GC: variants seen among roughly 807,000 people sequenced by gnomAD.
The protein encoded by GC is GC vitamin D binding protein.
In GC, 43 loss-of-function variants were observed where a neutral mutation model predicts 56.7. The observed-to-expected ratio is 0.76, with a 90% CI of 0.59 to 0.98. The LOEUF (loss-of-function observed/expected upper bound fraction) is 0.98, where lower values mean the gene tolerates loss of function less well. Among genes scored for constraint, GC ranks in the 50% least tolerant of loss-of-function variants. The probability of loss-of-function intolerance (pLI) is 0.00; values close to 1 mark genes in which losing one functional copy is unlikely to be tolerated. For synonymous variants in GC, 216 were observed against 202.7 expected, an observed-to-expected ratio of 1.07 and a Z score of -0.56; for missense variants, 529 against 545.9, an observed-to-expected ratio of 0.97 and a Z score of 0.31.
intron 1 of GC, among the ~76,000 whole-genome samples, chr4:71,799,919 C>G (rs1454027062): frequency 6.6e-6 from 1 of 152,160 alleles, no homozygotes; most frequent in Non-Finnish European, 1.5e-5. Context: ...GAACAAATCT[C>G]AAACACTGGC....
intron 12 of GC, among the ~76,000 whole-genome samples, chr4:71,744,127 T>C (rs959999744): frequency 1.3e-5 from 2 of 151,960 alleles, no homozygotes; most frequent in African/African-American, 4.8e-5. Flanking sequence ...ACCAAGTTTA[T>C]CTCTTGATTG....
Position 71,744,877 on chromosome 4 carries a change from C to T in GC, c.*25+1274G>A, listed in dbSNP as rs191232830. ...CAACAGAGATCAGAAACTATTTTAA[C>T]TCTAGAATATTTACACTTCAAATAA... On this transcript the variant is annotated intron_variant, in intron 12 of 12. Transcript: ENST00000273951. 1.8e-3 allele frequency among the ~76,000 whole-genome samples: 279 copies of T among 152,260 alleles called. 2 individuals carry two copies. Among genetic ancestry groups the T allele is most frequent in the African/African-American group, 6.4e-3 (265 of 41,554 alleles).
intron 8 of GC, among the ~76,000 whole-genome samples, chr4:71,755,766 T>A (rs574500936): frequency 1.6e-3 from 242 of 152,332 alleles, no homozygotes; most frequent in African/African-American, 5.5e-3. Flanking sequence ...AGTGGATACT[T>A]CAAAAGGCTT....
intron 1 of GC, among the ~76,000 whole-genome samples, chr4:71,796,881 T>C (rs1743118685): frequency 6.6e-6 from 1 of 152,214 alleles, no homozygotes; most frequent in Non-Finnish European, 1.5e-5. Flanking sequence ...ATGTTGATGC[T>C]ATTCCCTTCT....
At chr4:71,765,043 C>T (rs1560699261) in intron 4 of GC, among the ~76,000 whole-genome samples, 1 of 152,058 alleles carries the variant, frequency 6.6e-6, no homozygotes, top group Non-Finnish European at 1.5e-5. Context: ...ATTTTTTATG[C>T]TTTACTGGAA....
intron 11 of GC, 100 bp from the exon 12 acceptor site, chr4:71,746,305 G>T: frequency 1.7e-6 from 1 of 590,806 alleles, no homozygotes; most frequent in Non-Finnish European, 3.1e-6. Flanking sequence ...CCTTGGTTAG[G>T]GGAGCGGATT....
At chr4:71,760,355 A>G (rs1741928086) in intron 6 of GC, among the ~76,000 whole-genome samples, 3 of 152,024 alleles carry the variant, frequency 2.0e-5, no homozygotes, top group Non-Finnish European at 4.4e-5. Flanking sequence ...CCTGGACAAG[A>G]AAGTAGTTTC....
At chr4:71,759,714 C>A (rs1472123442) in intron 6 of GC, 1 of 145,500 alleles carries the variant, frequency 6.9e-6, no homozygotes, top group African/African-American at 2.8e-5. Flanking sequence ...TTATTCAAGT[C>A]TTTTACCCCT....
intron 6 of GC, among the ~76,000 whole-genome samples, chr4:71,761,339 A>G (rs573703291): frequency 4.6e-5 from 7 of 152,184 alleles, no homozygotes; most frequent in Non-Finnish European, 8.8e-5. Context: ...GATATCTGGC[A>G]GAAGGAATTT....
intron 1 of GC, among the ~76,000 whole-genome samples, chr4:71,770,881 G>A (rs1458416728): frequency 6.6e-6 from 1 of 152,142 alleles, no homozygotes; most frequent in African/African-American, 2.4e-5. Flanking sequence ...CACAGTACCT[G>A]CTCTTGAGTT....
chr4:71,789,542 A>G (rs1265062283), intron 1 of GC, among the ~76,000 whole-genome samples: 1 of 151,972 alleles, frequency 6.6e-6, no homozygotes, highest in Non-Finnish European at 1.5e-5. Flanking sequence ...ATGATCTAAT[A>G]GATTCTCTAT....
chr4:71,743,683 A>C (rs1741258900), intron 12 of GC, among the ~76,000 whole-genome samples: 1 of 152,236 alleles, frequency 6.6e-6, no homozygotes, highest in Non-Finnish European at 1.5e-5. Context: ...CTGGATATCA[A>C]GTACCTCAGA....
At chr4:71,799,783 G>T (rs1042431634) in intron 1 of GC, among the ~76,000 whole-genome samples, 1 of 152,198 alleles carries the variant, frequency 6.6e-6, no homozygotes, top group Non-Finnish European at 1.5e-5. Context: ...AGTGAAGGTT[G>T]TGGTGAAAGG....
At chr4:71,795,452 C>T (rs781354660) in intron 1 of GC, among the ~76,000 whole-genome samples, 11 of 152,152 alleles carry the variant, frequency 7.2e-5, no homozygotes, top group South Asian at 2.1e-4. Context: ...GGTTTAAAAT[C>T]TGTTTTATCA....
At chr4:71,748,179 C>A (rs1396396700) in intron 11 of GC, among the ~76,000 whole-genome samples, 3 of 152,114 alleles carry the variant, frequency 2.0e-5, no homozygotes, top group African/African-American at 7.2e-5. Context: ...TCTATAAATA[C>A]ATACATGCCA....
chr4:71,795,150 G>A (rs1743066437), intron 1 of GC, among the ~76,000 whole-genome samples: 2 of 152,190 alleles, frequency 1.3e-5, no homozygotes, highest in Admixed American at 1.3e-4. Context: ...TTGGGGTGGA[G>A]AGTTCTGTAG....
At chr4:71,796,246 C>T (rs962656023) in intron 1 of GC, among the ~76,000 whole-genome samples, 1 of 152,170 alleles carries the variant, frequency 6.6e-6, no homozygotes, top group Non-Finnish European at 1.5e-5. Context: ...GGATAATATC[C>T]TTAAGAGTGT....
chr4:71,775,758 A>G (rs965969904), intron 1 of GC, among the ~76,000 whole-genome samples: 12 of 152,198 alleles, frequency 7.9e-5, no homozygotes, highest in South Asian at 2.1e-4. Flanking sequence ...CACATATCTG[A>G]TAACAGGTTA....
intron 1 of GC, among the ~76,000 whole-genome samples, chr4:71,789,158 AAGAAG>A (rs945977267): frequency 1.9e-4 from 23 of 118,576 alleles, no homozygotes; most frequent in African/African-American, 9.5e-4. Flanking sequence ...GAATCGAGAA[AAGAAG>A]AGAATAAAAG....
Sources: gnomAD v4.1 joint callset for allele counts (sites outside exome capture counted in the v4.1 genomes callset) on GRCh38, gnomAD v4.1.1 for gene constraint, MANE v1.5 for transcripts, NCBI Gene and HGNC (gene_info 2026-07-23, HGNC 2026-07-21) for gene names.